SPIN1: variants seen among roughly 807,000 people sequenced by gnomAD.
SPIN1 encodes the protein spindlin 1, also known as spindlin-1.
In SPIN1, 3 loss-of-function variants were observed where a neutral mutation model predicts 26.0. The ratio of observed to expected loss-of-function variants is 0.12; its 90% CI spans 0.05 to 0.30. The LOEUF (loss-of-function observed/expected upper bound fraction) is 0.30, where lower values mean the gene tolerates loss of function less well. Ranked by LOEUF, SPIN1 falls within the 10% of genes least tolerant of loss-of-function variation. The pLI, the probability that SPIN1 is intolerant of heterozygous loss-of-function variation, is 1.00. For missense variants in SPIN1, 126 were observed against 333.4 expected (o/e 0.38, Z 4.84); for synonymous variants, 101 against 116.5 (o/e 0.87, Z 0.86).
At chr9:88,446,408 GT>G (rs372052401) in intron 2 of SPIN1, among the ~76,000 whole-genome samples, 205 of 129,812 alleles carry the variant, frequency 1.6e-3, no homozygotes, top group Middle Eastern at 3.9e-3. Flanking sequence ...TTGGTTTGCT[GT>G]TTTTTTTTTT....
In SPIN1 at chr9:88,466,317, C is replaced by G. The variant is rs145928965; in HGVS notation, c.356-2055C>G. Among the ~76,000 whole-genome samples, 341 of 152,236 alleles carry G rather than the reference C, an allele frequency of 2.2e-3. 1 individual carries two copies. Among genetic ancestry groups the G allele is most frequent in the African/African-American group, 8.0e-3 (332 of 41,564 alleles). On this transcript the variant is annotated intron_variant, in intron 4 of 5. Coordinates refer to ENST00000375859, the MANE Select transcript of SPIN1 (RefSeq NM_006717.3). ...GGGACTACAGGCACTCACCACAGTA[C>G]CCTGCTAATTTTTAACTTTTTGTAG...
At chr9:88,451,555 TTTTG>T (rs904140153) in intron 3 of SPIN1, among the ~76,000 whole-genome samples, 21 of 152,252 alleles carry the variant, frequency 1.4e-4, no homozygotes, top group Admixed American at 5.9e-4. Context: ...ACGTCTGTTT[TTTTG>T]TTTGTTTGTT....
chr9:88,445,006 G>GATAA (rs1165307821), intron 2 of SPIN1, among the ~76,000 whole-genome samples: 6 of 152,132 alleles, frequency 3.9e-5, no homozygotes, highest in African/African-American at 1.4e-4. Flanking sequence ...TTTCTTGAGT[G>GATAA]ATAAATAGCA....
chr9:88,429,160 G>T (rs1233681422), intron 2 of SPIN1, among the ~76,000 whole-genome samples: 5 of 152,260 alleles, frequency 3.3e-5, no homozygotes, highest in Admixed American at 2.0e-4. Context: ...GAGCCAGTGT[G>T]CCTGGCCTCC....
chr9:88,472,813 T>C (rs1019132071), intron 5 of SPIN1, among the ~76,000 whole-genome samples: 3 of 152,234 alleles, frequency 2.0e-5, no homozygotes, highest in African/African-American at 7.2e-5. Flanking sequence ...TTAAATTTAC[T>C]TCTAAGGATT....
intron 1 of SPIN1, among the ~76,000 whole-genome samples, chr9:88,408,809 G>T (rs2117947424): frequency 6.6e-6 from 1 of 151,602 alleles, no homozygotes; most frequent in East Asian, 1.9e-4. Context: ...AAGTAGCTGG[G>T]ATTACAGGCA....
intron 3 of SPIN1, among the ~76,000 whole-genome samples, chr9:88,461,998 C>A (rs1318198790): frequency 6.6e-6 from 1 of 152,090 alleles, no homozygotes; most frequent in Non-Finnish European, 1.5e-5. Context: ...ATTAGTTAAG[C>A]TTGTACAGGC....
At chr9:88,466,138 T>A (rs1459464929) in intron 4 of SPIN1, among the ~76,000 whole-genome samples, 1 of 152,170 alleles carries the variant, frequency 6.6e-6, no homozygotes, top group East Asian at 1.9e-4. Context: ...CTTTTTTAGG[T>A]CTGTAGTAAT....
At position 88,411,011 on chromosome 9, in the gene SPIN1, A is replaced by G; in HGVS notation, c.-158-15371A>G. The G allele has an allele frequency of 1.9e-6, 3 of 1,572,166 alleles. No homozygotes were observed. In the Admixed American group the frequency reaches 5.0e-5, roughly 26 times the overall value. On this transcript the variant is annotated intron_variant, in intron 1 of 5. Coordinates refer to ENST00000375859, the MANE Select transcript of SPIN1 (RefSeq NM_006717.3). ...CACGGAGTTGTGGTCGTCAAAGGTT[A>G]CAAAGGCAAAGCCCCTTTTCTTGCC...
intron 2 of SPIN1, among the ~76,000 whole-genome samples, chr9:88,444,453 C>T (rs1034192534): frequency 1.3e-5 from 2 of 151,750 alleles, no homozygotes; most frequent in Non-Finnish European, 2.9e-5. Context: ...CCTTGTTAGC[C>T]AGGACAGTCT....
intron 1 of SPIN1, chr9:88,389,530 T>G (rs1483390882): frequency 6.6e-6 from 1 of 152,242 alleles, no homozygotes; most frequent in Admixed American, 6.5e-5. Context: ...ATTTTGTGTT[T>G]TGGAGAGATT....
intron 2 of SPIN1, among the ~76,000 whole-genome samples, chr9:88,445,546 T>TTATTAC (rs1302109298): frequency 2.9e-4 from 43 of 147,022 alleles, no homozygotes; most frequent in Non-Finnish European, 5.1e-4. Context: ...ATTATTATTA[T>TTATTAC]TATTATTATT....
intron 2 of SPIN1, among the ~76,000 whole-genome samples, chr9:88,429,009 G>T (rs1252641276): frequency 3.9e-5 from 6 of 152,124 alleles, no homozygotes; most frequent in Admixed American, 1.3e-4. Flanking sequence ...GACTAGCTGG[G>T]ACCACAGGTG....
rs1828595468 is a variant in SPIN1 at position 88,462,619 on chromosome 9, C to T, written c.225C>T (p.Thr75=). ...GCCCTGTTACCCAGTGGAAAGGAAC[C>T]GTTCTGGACCAGGTGCCTGTAAATC... is the stretch of plus-strand genomic sequence containing the variant. ...GNGPVTQWKG[T]VLDQVPVNPS... is the part of the protein sequence containing the mutation. The change falls in exon 4 of 6, where the codon ACC becomes ACT. Residue 75 remains threonine, a synonymous_variant. Coordinates refer to ENST00000375859, the MANE Select transcript of SPIN1 (RefSeq NM_006717.3). 6.2e-6 allele frequency: 10 copies of T among 1,613,974 alleles called. No homozygotes were observed. Among genetic ancestry groups the T allele is most frequent in the Non-Finnish European group, 8.5e-6 (10 of 1,180,026 alleles).
intron 1 of SPIN1, among the ~76,000 whole-genome samples, chr9:88,413,009 C>T (rs2117967652): frequency 6.7e-6 from 1 of 149,744 alleles, no homozygotes; most frequent in South Asian, 2.1e-4. Flanking sequence ...AGTGACAAGA[C>T]AATATTGTTG....
chr9:88,442,731 A>G (rs1828162447), intron 2 of SPIN1, among the ~76,000 whole-genome samples: 1 of 151,728 alleles, frequency 6.6e-6, no homozygotes, highest in African/African-American at 2.4e-5. Context: ...TTTGAATATG[A>G]TACTCTTTGG....
chr9:88,427,098 G>A (rs969991723), intron 2 of SPIN1, among the ~76,000 whole-genome samples: 2 of 152,108 alleles, frequency 1.3e-5, no homozygotes, highest in African/African-American at 2.4e-5. Context: ...TAGCGTGCCT[G>A]CCCCAATAAA....
intron 1 of SPIN1, among the ~76,000 whole-genome samples, chr9:88,423,574 G>A (rs1330132251): frequency 6.6e-6 from 1 of 151,768 alleles, no homozygotes; most frequent in East Asian, 1.9e-4. Context: ...AAGTAGCTGG[G>A]ATTACAGGTA....
At chr9:88,455,145 G>A (rs1208255166) in intron 3 of SPIN1, among the ~76,000 whole-genome samples, 3 of 152,132 alleles carry the variant, frequency 2.0e-5, no homozygotes, top group South Asian at 4.1e-4. Flanking sequence ...ATTAGTATAC[G>A]CATTGCATTA....
Sources: gnomAD v4.1 joint callset for allele counts (sites outside exome capture counted in the v4.1 genomes callset) on GRCh38, gnomAD v4.1.1 for gene constraint, MANE v1.5 for transcripts, NCBI Gene and HGNC (gene_info 2026-07-23, HGNC 2026-07-21) for gene names.